The following LAMA2 variants were observed in gnomAD, a reference collection of about 807,000 sequenced individuals.
LAMA2 encodes laminin subunit alpha-2.
Under a neutral mutation model 364.8 loss-of-function variants are expected in LAMA2, and 269 were observed. The observed-to-expected ratio is 0.74, with a 90% CI of 0.67 to 0.82. The LOEUF (loss-of-function observed/expected upper bound fraction) is 0.82. LAMA2 is among the 40% of genes least tolerant of loss of function. LAMA2 has a pLI of 0.00. For synonymous variants in LAMA2, 1,379 were observed against 1,370.6 expected (o/e 1.01, Z -0.14); for missense variants, 3,807 against 3,873.2 (o/e 0.98, Z 0.45).
In LAMA2 at chr6:128,983,062, G is replaced by A. The variant is rs375073097; in HGVS notation, c.113-66856G>A. 1.6e-4 allele frequency among the ~76,000 whole-genome samples: 24 copies of A among 151,480 alleles called. 1 individual carries two copies. Among genetic ancestry groups the A allele is most frequent in the East Asian group, 7.8e-4 (4 of 5,148 alleles). On this transcript the variant is annotated intron_variant, in intron 1 of 64. Coordinates refer to ENST00000421865, the MANE Select transcript of LAMA2 (RefSeq NM_000426.4). ...AGTCTTTGCTATTGTGAATAGTGCC[G>A]CAATAAACATACGTGTGCATGTGTC...
intron 57 of LAMA2, 57 bp from the exon 58 acceptor site, chr6:129,492,258 A>G: frequency 1.3e-6 from 2 of 1,571,666 alleles, no homozygotes; most frequent in Non-Finnish European, 1.7e-6. Context: ...ATTGGGCTTA[A>G]TTGTAAGGAA....
At chr6:128,956,927 C>T (rs945564010) in intron 1 of LAMA2, among the ~76,000 whole-genome samples, 1 of 151,982 alleles carries the variant, frequency 6.6e-6, no homozygotes, top group African/African-American at 2.4e-5. Context: ...AGACACACTG[C>T]ATGGAAATAT....
At chr6:129,155,952 G>T (rs1779087380) in intron 8 of LAMA2, among the ~76,000 whole-genome samples, 1 of 151,884 alleles carries the variant, frequency 6.6e-6, no homozygotes, top group Admixed American at 6.6e-5. Flanking sequence ...AATGGAGCTT[G>T]AGGAGATGTT....
intron 1 of LAMA2, among the ~76,000 whole-genome samples, chr6:128,941,787 C>G (rs1284787657): frequency 6.6e-6 from 1 of 152,148 alleles, no homozygotes; most frequent in African/African-American, 2.4e-5. Flanking sequence ...ATTTCGTTCT[C>G]TGTGCCCAGC....
chr6:129,430,819 G>C (rs909871509), intron 41 of LAMA2, among the ~76,000 whole-genome samples: 4 of 151,984 alleles, frequency 2.6e-5, no homozygotes, highest in African/African-American at 9.6e-5. Context: ...CTCTAGCCTG[G>C]GTGACAGAGT....
chr6:129,027,996 TTAATC>T (rs1162971915), intron 1 of LAMA2, among the ~76,000 whole-genome samples: 1 of 151,856 alleles, frequency 6.6e-6, no homozygotes, highest in Non-Finnish European at 1.5e-5. Flanking sequence ...TCTGTGGAGT[TTAATC>T]TATAGTAATG....
At chr6:129,501,148 G>A (rs2114883497) in intron 58 of LAMA2, among the ~76,000 whole-genome samples, 1 of 152,306 alleles carries the variant, frequency 6.6e-6, no homozygotes, top group Non-Finnish European at 1.5e-5. Flanking sequence ...TATCGTGAGA[G>A]GCTGATAAAA....
chr6:129,170,750 ATCTG>A (rs1222738699), intron 9 of LAMA2, among the ~76,000 whole-genome samples: 1 of 151,900 alleles, frequency 6.6e-6, no homozygotes, highest in African/African-American at 2.4e-5. Context: ...TGTCTCGTTG[ATCTG>A]TCTAATGTTG....
intron 1 of LAMA2, among the ~76,000 whole-genome samples, chr6:128,977,408 G>A (rs1390499848): frequency 2.0e-5 from 3 of 151,382 alleles, no homozygotes; most frequent in African/African-American, 7.3e-5. Context: ...CTACAGGCAA[G>A]GGCCACCATG....
At chr6:129,081,207 C>T (rs1774029876) in intron 3 of LAMA2, among the ~76,000 whole-genome samples, 1 of 150,240 alleles carries the variant, frequency 6.7e-6, no homozygotes, top group Admixed American at 6.7e-5. Context: ...AACACTTGGA[C>T]ACAGGGTGGG....
intron 29 of LAMA2, among the ~76,000 whole-genome samples, chr6:129,341,002 A>C (rs1776239477): frequency 6.6e-6 from 1 of 152,200 alleles, no homozygotes; most frequent in African/African-American, 2.4e-5. Context: ...TCTAAAATTC[A>C]CTGTGGCAAT....
At chr6:129,015,607 A>ATTTGTTAC (rs1349814988) in intron 1 of LAMA2, among the ~76,000 whole-genome samples, 3 of 152,034 alleles carry the variant, frequency 2.0e-5, no homozygotes, top group African/African-American at 7.2e-5. Context: ...AACTTGTTAT[A>ATTTGTTAC]TTTGTTACTT....
intron 12 of LAMA2, among the ~76,000 whole-genome samples, chr6:129,246,445 A>T (rs1428947579): frequency 6.6e-6 from 1 of 152,176 alleles, no homozygotes; most frequent in Non-Finnish European, 1.5e-5. Context: ...TCAAATGTTT[A>T]CAATATTCCA....
At chr6:129,433,579 T>C (rs1013840469) in intron 41 of LAMA2, among the ~76,000 whole-genome samples, 9 of 152,082 alleles carry the variant, frequency 5.9e-5, no homozygotes, top group African/African-American at 2.2e-4. Flanking sequence ...TTCATATTAA[T>C]AAAAAATAAA....
chr6:128,895,385 C>A (rs931001926), intron 1 of LAMA2, among the ~76,000 whole-genome samples: 3 of 149,932 alleles, frequency 2.0e-5, no homozygotes, highest in African/African-American at 4.9e-5. Context: ...GTAATCCCAG[C>A]ACTTTGGGAG....
In LAMA2 at chr6:129,478,799, G is replaced by A. The variant is rs1395397751; in HGVS notation, c.7558G>A (p.Gly2520Arg). The A allele has an allele frequency of 6.2e-7, 1 of 1,613,204 alleles. No homozygotes were observed. Among genetic ancestry groups the A allele is most frequent in the Non-Finnish European group, 8.5e-7 (1 of 1,179,320 alleles). ...SSPDYVGVTK[G>R]CSLENVYTVS... ...TCCCGATTATGTTGGTGTTACCAAA[G>A]GATGTTCCCTGGAGGTTGGTCTGTT... Residue 2520 changes from glycine to arginine, a missense_variant, in exon 54 of 65, where the codon GGA (glycine) becomes AGA (arginine). Transcript: ENST00000421865.
At chr6:128,904,222 T>C (rs1777271637) in intron 1 of LAMA2, among the ~76,000 whole-genome samples, 1 of 152,184 alleles carries the variant, frequency 6.6e-6, no homozygotes, top group African/African-American at 2.4e-5. Flanking sequence ...GCTTTCTGAC[T>C]CGTCATTATA....
At position 128,961,318 on chromosome 6, in the gene LAMA2, GATATATATATATATATAT is replaced by G. The variant is rs58772123; in HGVS notation, c.112+77994_112+78011del. ...TTCTGTAGAGGGACAGAACTAATAT[GATATATATATATATATAT>G]ATATATATATATATATATATATATA... On this transcript the variant is annotated intron_variant, in intron 1 of 64. Transcript: ENST00000421865. 6.2e-3 allele frequency among the ~76,000 whole-genome samples: 361 copies of G among 57,800 alleles called. 14 individuals are homozygous for G. The highest frequency in any genetic ancestry group is 0.013 in the African/African-American group (223 of 17,532). 37.9% of individuals were successfully genotyped at this position (57,800 alleles called of 152,430 possible).
intron 1 of LAMA2, among the ~76,000 whole-genome samples, chr6:128,982,674 G>A (rs939825037): frequency 7.3e-5 from 11 of 151,080 alleles, no homozygotes; most frequent in Admixed American, 6.6e-4. Flanking sequence ...AGTTACATAT[G>A]TATACATGTG....
Sources: gnomAD v4.1 joint callset for allele counts (sites outside exome capture counted in the v4.1 genomes callset) on GRCh38, gnomAD v4.1.1 for gene constraint, MANE v1.5 for transcripts, NCBI Gene and HGNC (gene_info 2026-07-23, HGNC 2026-07-21) for gene names.